The following ARHGEF11 variants were observed in gnomAD, a reference collection of about 807,000 sequenced individuals.
ARHGEF11 encodes Rho guanine nucleotide exchange factor 11.
In ARHGEF11, 55 loss-of-function variants were observed where a neutral mutation model predicts 193.7. That is an observed-to-expected ratio of 0.28 (90% CI 0.23 to 0.36). ARHGEF11 has a LOEUF of 0.36. ARHGEF11 is among the 10% of genes least tolerant of loss of function. The pLI is 1.00. For missense variants in ARHGEF11, 1,723 were observed against 2,005.6 expected, an observed-to-expected ratio of 0.86 and a Z score of 2.69; for synonymous variants, 693 against 768.0, an observed-to-expected ratio of 0.90 and a Z score of 1.62.
chr1:157,038,076 C>T (rs1379286810), intron 1 of ARHGEF11, among the ~76,000 whole-genome samples: 2 of 149,052 alleles, frequency 1.3e-5, no homozygotes, highest in East Asian at 3.9e-4. Context: ...TCTATGTTCT[C>T]CTGTACTATC....
At chr1:157,012,070 A>G (rs1368219094) in intron 1 of ARHGEF11, among the ~76,000 whole-genome samples, 1 of 152,204 alleles carries the variant, frequency 6.6e-6, no homozygotes, top group East Asian at 1.9e-4. Context: ...AAAAGTAGAA[A>G]ACTACCCAAA....
chr1:156,980,287 CT>C (rs1663932948), intron 4 of ARHGEF11, 149 bp downstream of exon 4: 1 of 867,370 alleles, frequency 1.2e-6, no homozygotes, highest in Non-Finnish European at 1.8e-6. Context: ...TGCTATACCA[CT>C]GTGCTCCCTC....
intron 18 of ARHGEF11, among the ~76,000 whole-genome samples, chr1:156,956,887 G>A (rs1467795815): frequency 1.3e-5 from 2 of 152,144 alleles, no homozygotes; most frequent in African/African-American, 4.8e-5. Context: ...TAAAATGTAA[G>A]TAAATAATTT....
chr1:157,014,634 C>T lies in ARHGEF11; in HGVS notation c.33-28461G>A, dbSNP rs1668979752. On this transcript the variant is annotated intron_variant, in intron 1 of 40. Coordinates refer to ENST00000368194, the MANE Select transcript of ARHGEF11 (RefSeq NM_198236.3). ...GACTCCTGGGAAGAGTCGTCTACAT[C>T]GACTGTCTCCAGTTTCTCACCTCCC... Among the ~76,000 whole-genome samples the T allele has an allele frequency of 3.3e-5, 5 of 152,312 alleles. No individual in the cohort carries two copies. In the South Asian group the frequency reaches 8.3e-4, roughly 25 times the overall value.
chr1:156,988,520 C>A (rs1665256710), intron 1 of ARHGEF11, among the ~76,000 whole-genome samples: 1 of 152,170 alleles, frequency 6.6e-6, no homozygotes, highest in South Asian at 2.1e-4. Context: ...CTTGACCCCA[C>A]CAGGAAGCTG....
Position 156,942,697 on chromosome 1 carries a change from T to C in ARHGEF11, c.3319A>G (p.Lys1107Glu). 2 of 1,614,044 alleles carry C rather than the reference T, an allele frequency of 1.2e-6. No homozygotes were observed. The highest frequency in any genetic ancestry group is 1.7e-6 in the Non-Finnish European group (2 of 1,179,872). The part of the protein sequence containing the change: ...YELVALTSSD[K>E]NTWMELLEEA... ...CCCTCAATCAATTCTCACGTGTTCTTGTCTGATGACGTCAATGCAACCAGC... is the reference window on the plus strand; with the variant it reads ...CCCTCAATCAATTCTCACGTGTTCTCGTCTGATGACGTCAATGCAACCAGC... The change falls in exon 33 of 41, where the codon AAG becomes GAG. Residue 1107 changes from lysine (K) to glutamate (E), a missense_variant. Coordinates refer to ENST00000368194, the MANE Select transcript of ARHGEF11 (RefSeq NM_198236.3).
rs555507032 is a variant in ARHGEF11 at position 156,994,160 on chromosome 1, T to C, written c.33-7987A>G. Among the ~76,000 whole-genome samples, 100 of 152,340 alleles carry C rather than the reference T, an allele frequency of 6.6e-4. 2 individuals are homozygous for C. The highest frequency in any genetic ancestry group is 1.2e-3 in the Non-Finnish European group (82 of 68,040). ...ATTGATATCATCTGTTAGTCTGTCATCTCTTTTAGACTTTAAGCCCCTGAG... is the reference window on the plus strand; with the variant it reads ...ATTGATATCATCTGTTAGTCTGTCACCTCTTTTAGACTTTAAGCCCCTGAG... On this transcript the variant is annotated intron_variant, in intron 1 of 40. Transcript: ENST00000368194.
intron 7 of ARHGEF11, among the ~76,000 whole-genome samples, chr1:156,975,155 T>A (rs1219159034): frequency 2.6e-5 from 4 of 152,252 alleles, no homozygotes; most frequent in Non-Finnish European, 4.4e-5. Flanking sequence ...ATTAGCACAG[T>A]GAATATGCAG....
intron 1 of ARHGEF11, among the ~76,000 whole-genome samples, chr1:157,034,559 T>C (rs1208080959): frequency 6.6e-6 from 1 of 152,222 alleles, no homozygotes; most frequent in Non-Finnish European, 1.5e-5. Flanking sequence ...TAGAGCTTGC[T>C]TTCTTAAAAT....
chr1:156,963,546 A>G lies in ARHGEF11; in HGVS notation c.1012T>C (p.Tyr338His). 6.2e-7 allele frequency: 1 copy of G among 1,614,094 alleles called. No homozygotes were observed. The highest frequency in any genetic ancestry group is 8.5e-7 in the Non-Finnish European group (1 of 1,180,000). Residue 338 changes from tyrosine (Y) to histidine (H), a missense_variant, in exon 12 of 41, where the codon TAT (tyrosine) becomes CAT (histidine). Around this residue, in one of 5 missense-constraint regions of ARHGEF11, gnomAD observed 646 missense variants for 710.7 expected, o/e 0.91. Coordinates refer to ENST00000368194, the MANE Select transcript of ARHGEF11 (RefSeq NM_198236.3). ...TCGTTGTTGAAATAACCCGGGTCAT[A>G]GTCTTCCTCTGGGCCAATAATTAAA... ...KPLIIGPEED[Y>H]DPGYFNNESD...
intron 1 of ARHGEF11, among the ~76,000 whole-genome samples, chr1:157,020,586 T>C (rs1404365617): frequency 6.6e-6 from 1 of 152,236 alleles, no homozygotes; most frequent in African/African-American, 2.4e-5. Context: ...GATTATTTAA[T>C]CAATTAATGC....
intron 1 of ARHGEF11, among the ~76,000 whole-genome samples, chr1:157,038,896 G>A (rs983429259): frequency 2.0e-5 from 3 of 152,112 alleles, no homozygotes; most frequent in Admixed American, 6.5e-5. Context: ...GCACATGCCT[G>A]TAATGCCAGC....
chr1:156,967,310 G>A (rs1232577885), intron 11 of ARHGEF11, among the ~76,000 whole-genome samples: 2 of 152,144 alleles, frequency 1.3e-5, no homozygotes, highest in Non-Finnish European at 2.9e-5. Context: ...ACGTCTGAAC[G>A]TTGTTAGACA....
At chr1:156,958,918 T>TG (rs756839010) in intron 16 of ARHGEF11, 54 bp from the exon 17 acceptor site, 48 of 1,612,528 alleles carry the variant, frequency 3.0e-5, no homozygotes, top group Non-Finnish European at 4.0e-5. Context: ...ACTCAACAGA[T>TG]GGACATCCAG....
chr1:157,030,515 C>T (rs1039390445), intron 1 of ARHGEF11, among the ~76,000 whole-genome samples: 1 of 152,142 alleles, frequency 6.6e-6, no homozygotes, highest in Non-Finnish European at 1.5e-5. Context: ...GGGGACTTGA[C>T]TCCTGATTTA....
rs1325854481 is a variant in ARHGEF11 at position 156,958,650 on chromosome 1, G to A, written c.1502+92C>T. On this transcript the variant is annotated intron_variant, in intron 17 of 40. Transcript: ENST00000368194. ...GGGGCAGGAGAATCAGGCAAGAAGT[G>A]GAAGAGGGGGAGAGGTTGAAAGAAC... 25 of 1,555,044 alleles carry A rather than the reference G, an allele frequency of 1.6e-5. No homozygotes were observed. The South Asian group carries it at 1.8e-4, about 11-fold the overall frequency.
chr1:156,954,797 G>T, intron 21 of ARHGEF11, 95 bp downstream of exon 21: 1 of 1,020,592 alleles, frequency 9.8e-7, no homozygotes, highest in Non-Finnish European at 1.5e-6. Context: ...GGAACAGGAT[G>T]GGAGATGATG....
chr1:156,945,964 C>T, intron 29 of ARHGEF11, 81 bp downstream of exon 29: 1 of 1,151,478 alleles, frequency 8.7e-7, no homozygotes, highest in Non-Finnish European at 1.3e-6. Flanking sequence ...CAGTGACTTG[C>T]TAAGGTCACA....
chr1:157,015,263 C>T (rs1342418555), intron 1 of ARHGEF11, among the ~76,000 whole-genome samples: 1 of 152,196 alleles, frequency 6.6e-6, no homozygotes, highest in Non-Finnish European at 1.5e-5. Flanking sequence ...CTGCCTAGAT[C>T]TGAATCCTAG....
Sources: allele counts gnomAD v4.1 joint callset (sites outside exome capture counted in the v4.1 genomes callset), GRCh38; gene constraint gnomAD v4.1.1; regional missense constraint gnomAD v4.1.1; transcripts MANE v1.5; gene names NCBI Gene and HGNC (gene_info 2026-07-23, HGNC 2026-07-21).